Variants in DTD1 observed in about 807,000 individuals in gnomAD.
DTD1 encodes D-aminoacyl-tRNA deacylase 1.
A neutral mutation model predicts 25.6 loss-of-function variants in DTD1; 13 were observed. The observed-to-expected ratio is 0.51, with a 90% CI of 0.33 to 0.81. The LOEUF is 0.81. DTD1 is among the 30% of genes least tolerant of loss of function. The pLI is 0.02. For missense variants in DTD1, 193 were observed against 266.4 expected (o/e 0.72, Z 1.92); for synonymous variants, 110 against 103.6 (o/e 1.06, Z -0.37).
chr20:18,672,914 A>G (rs528105214), intron 4 of DTD1, among the ~76,000 whole-genome samples: 2 of 152,320 alleles, frequency 1.3e-5, no homozygotes, highest in East Asian at 1.9e-4. Flanking sequence ...GGCTTCCTAG[A>G]TGTAGAAGTC....
intron 4 of DTD1, among the ~76,000 whole-genome samples, chr20:18,708,647 C>T (rs978129673): frequency 1.3e-5 from 2 of 151,830 alleles, no homozygotes; most frequent in African/African-American, 2.4e-5. Flanking sequence ...TGAGCCACTG[C>T]GCCCGGCCAC....
chr20:18,705,438 T>C (rs1271195747), intron 4 of DTD1, among the ~76,000 whole-genome samples: 1 of 152,132 alleles, frequency 6.6e-6, no homozygotes, highest in Admixed American at 6.5e-5. Context: ...ATAGTTAATA[T>C]GAGAAGAGGG....
At chr20:18,662,137 G>A (rs891304927) in intron 4 of DTD1, among the ~76,000 whole-genome samples, 4 of 152,274 alleles carry the variant, frequency 2.6e-5, no homozygotes, top group East Asian at 3.9e-4. Flanking sequence ...GGGTGACAGA[G>A]CGAGACCCCA....
chr20:18,744,052 C>T (rs754015823), intron 4 of DTD1, 48 bp from the exon 5 acceptor site: 6 of 1,533,424 alleles, frequency 3.9e-6, no homozygotes, highest in South Asian at 2.4e-5. Flanking sequence ...GATACACAGG[C>T]ATGTGTTTGT....
At chr20:18,609,803 C>T (rs1475477511) in intron 3 of DTD1, among the ~76,000 whole-genome samples, 2 of 152,196 alleles carry the variant, frequency 1.3e-5, no homozygotes, top group African/African-American at 4.8e-5. Context: ...ATTTGCCTCT[C>T]CTGGAAATAT....
At chr20:18,714,900 C>A (rs938601268) in intron 4 of DTD1, among the ~76,000 whole-genome samples, 8 of 152,210 alleles carry the variant, frequency 5.3e-5, no homozygotes, top group African/African-American at 1.9e-4. Flanking sequence ...TTCAGCCAAA[C>A]GCCTGTGTTT....
At chr20:18,735,539 G>A (rs1184432645) in intron 4 of DTD1, among the ~76,000 whole-genome samples, 1 of 152,160 alleles carries the variant, frequency 6.6e-6, no homozygotes, top group Non-Finnish European at 1.5e-5. Context: ...AATAATATCT[G>A]TTCTTGATTT....
chr20:18,752,469 A>G (rs900983315), intron 5 of DTD1, among the ~76,000 whole-genome samples: 1 of 152,104 alleles, frequency 6.6e-6, no homozygotes, highest in Admixed American at 6.6e-5. Context: ...CAGTTTATTC[A>G]TGAGCCCATC....
At chr20:18,612,542 G>A (rs912984918) in intron 3 of DTD1, among the ~76,000 whole-genome samples, 6 of 152,188 alleles carry the variant, frequency 3.9e-5, no homozygotes, top group Admixed American at 3.3e-4. Flanking sequence ...CACTCAGCAC[G>A]TAAGTGGCAG....
In DTD1 at chr20:18,596,277, G is replaced by A. The variant is rs749824989; in HGVS notation, c.370+36G>A. 1.3e-5 allele frequency: 21 copies of A among 1,568,536 alleles called. No individual in the cohort carries two copies. In the South Asian group the frequency reaches 2.2e-4, roughly 17 times the overall value. ...GAGCCACATCCAGGAACGGGTCTTT[G>A]GGACACTCCTGGATGGAGAGAAAAA... On this transcript the variant is annotated intron_variant, in intron 3 of 5. Transcript: ENST00000377452.
At chr20:18,615,173 C>T (rs932400587) in intron 3 of DTD1, among the ~76,000 whole-genome samples, 5 of 151,948 alleles carry the variant, frequency 3.3e-5, no homozygotes, top group South Asian at 2.1e-4. Flanking sequence ...ACAGCCTACC[C>T]CGATTCAAGG....
At chr20:18,762,357 G>A (rs6081361) in intron 5 of DTD1, among the ~76,000 whole-genome samples, 1 of 152,198 alleles carries the variant, frequency 6.6e-6, no homozygotes. Context: ...ATGCATCATA[G>A]ATCTCGGCAA....
intron 4 of DTD1, among the ~76,000 whole-genome samples, chr20:18,672,644 T>C (rs1420704793): frequency 6.6e-6 from 1 of 152,228 alleles, no homozygotes; most frequent in Non-Finnish European, 1.5e-5. Flanking sequence ...AAAGGATTAT[T>C]TTATGGGTCT....
chr20:18,683,686 C>T (rs1363697599), intron 4 of DTD1, among the ~76,000 whole-genome samples: 3 of 152,160 alleles, frequency 2.0e-5, no homozygotes, highest in African/African-American at 7.2e-5. Flanking sequence ...TCAAAGATAG[C>T]CTGATGCAGT....
At chr20:18,620,818 C>G (rs557197425) in intron 3 of DTD1, among the ~76,000 whole-genome samples, 11 of 152,198 alleles carry the variant, frequency 7.2e-5, no homozygotes, top group Admixed American at 1.3e-4. Flanking sequence ...GTCTGGAACT[C>G]CTGGGTTCAA....
chr20:18,652,684 G>C (rs1264461825), intron 4 of DTD1, among the ~76,000 whole-genome samples: 1 of 152,148 alleles, frequency 6.6e-6, no homozygotes, highest in Non-Finnish European at 1.5e-5. Context: ...GGAGCACTTT[G>C]GTCTCATTTT....
At chr20:18,598,368 A>T (rs1273204797) in intron 3 of DTD1, among the ~76,000 whole-genome samples, 1 of 152,154 alleles carries the variant, frequency 6.6e-6, no homozygotes, top group Admixed American at 6.5e-5. Flanking sequence ...TTCTTTATCC[A>T]GTCTATCACT....
intron 4 of DTD1, among the ~76,000 whole-genome samples, chr20:18,739,885 G>A (rs1203395009): frequency 1.3e-5 from 2 of 152,186 alleles, no homozygotes; most frequent in Non-Finnish European, 1.5e-5. Context: ...TTGAGTTTGC[G>A]GCATGGAGCC....
chr20:18,741,897 A>AT (rs57912866), intron 4 of DTD1, among the ~76,000 whole-genome samples: 2,656 of 88,478 alleles, frequency 0.03, 109 homozygotes, highest in African/African-American at 0.1. Context: ...TAACCTTTGT[A>AT]TTTTTTTTTT....
Sources: gnomAD v4.1 joint callset for allele counts (sites outside exome capture counted in the v4.1 genomes callset) on GRCh38, gnomAD v4.1.1 for gene constraint, MANE v1.5 for transcripts, NCBI Gene and HGNC (gene_info 2026-07-23, HGNC 2026-07-21) for gene names.